Variants in HEMK2 observed in about 807,000 individuals in gnomAD.
HEMK2 encodes methyltransferase HEMK2.
chr21:28,592,192 C>T, the HEMK2 span, among the ~76,000 whole-genome samples: 4 of 152,194 alleles, frequency 2.6e-5, no homozygotes, highest in Non-Finnish European at 5.9e-5. Context: ...TCCTTTTTCT[C>T]CACAACCTCA....
At chr21:28,635,946 T>C in the HEMK2 span, among the ~76,000 whole-genome samples, 1 of 152,136 alleles carries the variant, frequency 6.6e-6, no homozygotes, top group African/African-American at 2.4e-5. Context: ...TAAATTTAAA[T>C]AGCCACAGGT....
At chr21:28,750,889 C>T in the HEMK2 span, among the ~76,000 whole-genome samples, 1 of 152,018 alleles carries the variant, frequency 6.6e-6, no homozygotes, top group Non-Finnish European at 1.5e-5. Flanking sequence ...AACCTTTCAG[C>T]CATCTCTTCT....
chr21:28,854,204 T>C, the HEMK2 span, among the ~76,000 whole-genome samples: 1 of 152,212 alleles, frequency 6.6e-6, no homozygotes, highest in African/African-American at 2.4e-5. Context: ...AAGTATACAG[T>C]TGCTAAGTTC....
the HEMK2 span, among the ~76,000 whole-genome samples, chr21:28,881,625 ATTTT>A: frequency 1.7e-3 from 167 of 100,792 alleles, 1 homozygote; most frequent in Middle Eastern, 5.0e-3. Flanking sequence ...GAAGCCATCA[ATTTT>A]TTTTTTTTTT....
At chr21:28,838,998 TATACATATATATAC>T in the HEMK2 span, among the ~76,000 whole-genome samples, 4,483 of 57,606 alleles carry the variant, frequency 0.078, 208 homozygotes, top group Middle Eastern at 0.21. Context: ...TATATATATA[TATACATATATATAC>T]ACAATCTGCC....
the HEMK2 span, among the ~76,000 whole-genome samples, chr21:28,716,658 A>G: frequency 3.3e-5 from 5 of 151,918 alleles, no homozygotes; most frequent in African/African-American, 1.2e-4. Flanking sequence ...TTCCGGTACT[A>G]TGCAGCAAAA....
chr21:28,592,120 C>T, the HEMK2 span, among the ~76,000 whole-genome samples: 1,150 of 152,236 alleles, frequency 7.6e-3, 5 homozygotes, highest in Admixed American at 0.015. Context: ...TTTGAAGAAT[C>T]GCCACACTGT....
the HEMK2 span, among the ~76,000 whole-genome samples, chr21:28,713,506 T>G: frequency 6.6e-6 from 1 of 152,186 alleles, no homozygotes; most frequent in East Asian, 1.9e-4. Context: ...CAGGAAAACC[T>G]GTGATCCCCA....
chr21:28,734,846 A>C, the HEMK2 span, among the ~76,000 whole-genome samples: 1 of 152,304 alleles, frequency 6.6e-6, no homozygotes, highest in African/African-American at 2.4e-5. Flanking sequence ...TCTGTAACAA[A>C]CCAACCCAAA....
chr21:28,595,346 G>C, the HEMK2 span, among the ~76,000 whole-genome samples: 1 of 149,786 alleles, frequency 6.7e-6, no homozygotes, highest in Admixed American at 6.7e-5. Context: ...ACCCTTCCCA[G>C]CCTCTGATAA....
the HEMK2 span, among the ~76,000 whole-genome samples, chr21:28,608,388 C>CAAAAAAA: frequency 8.5e-6 from 1 of 117,938 alleles, no homozygotes; most frequent in African/African-American, 3.2e-5. Context: ...TTTTCAACTT[C>CAAAAAAA]AAAAAAAAAA....
the HEMK2 span, among the ~76,000 whole-genome samples, chr21:28,610,753 G>C: frequency 6.6e-6 from 1 of 152,148 alleles, no homozygotes; most frequent in Non-Finnish European, 1.5e-5. Flanking sequence ...AGCTATTCTT[G>C]TATCAGGCGA....
At chr21:28,751,950 C>T in the HEMK2 span, among the ~76,000 whole-genome samples, 1 of 151,780 alleles carries the variant, frequency 6.6e-6, no homozygotes, top group East Asian at 1.9e-4. Context: ...GCCACCATGC[C>T]TGGCCAAGAT....
At chr21:28,873,502 T>C in the HEMK2 span, 26,179 of 152,192 alleles carry the variant, frequency 0.17, 2,348 homozygotes, top group South Asian at 0.23. Context: ...CTTCATCTGG[T>C]CATGGTACTT....
chr21:28,720,495 G>A, the HEMK2 span, among the ~76,000 whole-genome samples: 1 of 152,168 alleles, frequency 6.6e-6, no homozygotes, highest in African/African-American at 2.4e-5. Flanking sequence ...CACTTTGGGA[G>A]GCCAAGGTGG....
chr21:28,636,255 C>T, the HEMK2 span, among the ~76,000 whole-genome samples: 1 of 152,090 alleles, frequency 6.6e-6, no homozygotes. Context: ...GTTGTACTTG[C>T]TTGATGCCAG....
chr21:28,709,588 T>A, the HEMK2 span, among the ~76,000 whole-genome samples: 2 of 152,176 alleles, frequency 1.3e-5, no homozygotes, highest in Admixed American at 1.3e-4. Context: ...GATTATCTTA[T>A]GAGGGTCCCT....
chr21:28,657,398 A>C, the HEMK2 span, among the ~76,000 whole-genome samples: 1 of 152,110 alleles, frequency 6.6e-6, no homozygotes, highest in Non-Finnish European at 1.5e-5. Context: ...AATTATGCCA[A>C]GAGTGACTTC....
chr21:28,772,995 T>C, the HEMK2 span, among the ~76,000 whole-genome samples: 2 of 152,330 alleles, frequency 1.3e-5, no homozygotes, highest in Admixed American at 6.5e-5. Context: ...ATGAGTTTTA[T>C]CAAATAAAAA....
Sources: allele counts gnomAD v4.1 joint callset (sites outside exome capture counted in the v4.1 genomes callset), GRCh38; gene constraint gnomAD v4.1.1; transcripts MANE v1.5; gene names NCBI Gene and HGNC (gene_info 2026-07-23, HGNC 2026-07-21).